Variants in CLASP1 observed in about 807,000 individuals in gnomAD.
The protein encoded by CLASP1 is CLIP-associating protein 1.
CLASP1 carries 38 observed loss-of-function variants against 192.3 expected under a neutral mutation model. The ratio of observed to expected loss-of-function variants is 0.20; its 90% CI spans 0.15 to 0.26. The LOEUF (loss-of-function observed/expected upper bound fraction) is 0.26. Among genes scored for constraint, CLASP1 ranks in the 10% least tolerant of loss-of-function variants. The pLI is 1.00. For missense variants in CLASP1, 1,433 were observed against 1,932.5 expected, an observed-to-expected ratio of 0.74 and a Z score of 4.85; for synonymous variants, 691 against 712.8, an observed-to-expected ratio of 0.97 and a Z score of 0.49.
At chr2:121,551,863 T>C (rs367653506) in intron 2 of CLASP1, among the ~76,000 whole-genome samples, 1 of 152,082 alleles carries the variant, frequency 6.6e-6, no homozygotes, top group Non-Finnish European at 1.5e-5. Context: ...AAAATTCATA[T>C]GGAACCAGAA....
chr2:121,410,193 A>G (rs1418078417), intron 24 of CLASP1, among the ~76,000 whole-genome samples: 2 of 152,214 alleles, frequency 1.3e-5, no homozygotes, highest in African/African-American at 4.8e-5. Flanking sequence ...AGAATATGCA[A>G]GAGACTGTGT....
chr2:121,379,996 C>T (rs143230687), intron 33 of CLASP1, among the ~76,000 whole-genome samples: 186 of 152,296 alleles, frequency 1.2e-3, no homozygotes, highest in African/African-American at 4.3e-3. Flanking sequence ...CTTTTAGACT[C>T]ACTAGCCTGG....
At chr2:121,490,952 A>C (rs1348941908) in intron 8 of CLASP1, among the ~76,000 whole-genome samples, 2 of 152,228 alleles carry the variant, frequency 1.3e-5, no homozygotes, top group African/African-American at 4.8e-5. Flanking sequence ...AAGCATGGAT[A>C]ATAATGACTT....
At chr2:121,632,535 A>T (rs920568593) in intron 1 of CLASP1, among the ~76,000 whole-genome samples, 6 of 145,454 alleles carry the variant, frequency 4.1e-5, no homozygotes, top group East Asian at 2.0e-4. Flanking sequence ...CAACTCATTT[A>T]AAAAAAAAAA....
At chr2:121,634,627 G>C (rs1218349600) in intron 1 of CLASP1, among the ~76,000 whole-genome samples, 1 of 152,142 alleles carries the variant, frequency 6.6e-6, no homozygotes, top group African/African-American at 2.4e-5. Context: ...TCCACTGCAT[G>C]TTCTGAAAAG....
chr2:121,639,304 A>G (rs1484135035), intron 1 of CLASP1, among the ~76,000 whole-genome samples: 1 of 152,052 alleles, frequency 6.6e-6, no homozygotes, highest in Non-Finnish European at 1.5e-5. Flanking sequence ...CAAAAACAAA[A>G]AAACACTGTG....
chr2:121,354,148 T>A (rs2064997132), intron 37 of CLASP1, among the ~76,000 whole-genome samples: 1 of 152,164 alleles, frequency 6.6e-6, no homozygotes, highest in Non-Finnish European at 1.5e-5. Flanking sequence ...GACTTGGATT[T>A]ACATTTTTCC....
chr2:121,441,127 T>C (rs2083265166), intron 19 of CLASP1, among the ~76,000 whole-genome samples: 1 of 152,202 alleles, frequency 6.6e-6, no homozygotes, highest in African/African-American at 2.4e-5. Flanking sequence ...GGTTTTCCTA[T>C]CTTCTTGTTA....
At chr2:121,530,517 T>G in intron 2 of CLASP1, 192 bp from the exon 3 acceptor site, 2 of 568,256 alleles carry the variant, frequency 3.5e-6, no homozygotes. Context: ...TGTACAGCTA[T>G]AATGGAAAAT....
chr2:121,637,367 G>A (rs1023958610), intron 1 of CLASP1, among the ~76,000 whole-genome samples: 7 of 151,822 alleles, frequency 4.6e-5, no homozygotes, highest in African/African-American at 1.7e-4. Context: ...CATTTATATT[G>A]GTCTTCAACA....
chr2:121,372,855 A>G (rs1451400683), intron 34 of CLASP1, among the ~76,000 whole-genome samples: 2 of 152,126 alleles, frequency 1.3e-5, no homozygotes, highest in African/African-American at 4.8e-5. Context: ...GAATCTCCCC[A>G]ACCACTCCTC....
intron 33 of CLASP1, among the ~76,000 whole-genome samples, chr2:121,379,256 A>G (rs572151521): frequency 6.6e-6 from 1 of 152,260 alleles, no homozygotes; most frequent in Admixed American, 6.5e-5. Context: ...TGACTTGAGC[A>G]TCAAACAAAA....
At chr2:121,437,890 C>G (rs2082575284) in intron 19 of CLASP1, among the ~76,000 whole-genome samples, 1 of 152,184 alleles carries the variant, frequency 6.6e-6, no homozygotes, top group Non-Finnish European at 1.5e-5. Context: ...TGTGTGGATT[C>G]ACTGCTTTTA....
At chr2:121,530,914 A>T (rs771577373) in intron 2 of CLASP1, 1 of 699,220 alleles carries the variant, frequency 1.4e-6, no homozygotes, top group African/African-American at 1.7e-5. Context: ...CTACTGTCCA[A>T]TGAGCGCATA....
intron 8 of CLASP1, among the ~76,000 whole-genome samples, chr2:121,475,209 G>C (rs2091451483): frequency 6.6e-6 from 1 of 152,156 alleles, no homozygotes; most frequent in African/African-American, 2.4e-5. Context: ...TTATTTTCTA[G>C]ATTAAGAGCT....
Position 121,462,497 on chromosome 2 carries a change from C to T in CLASP1, c.939+35G>A, listed in dbSNP as rs1292571187. On this transcript the variant is annotated intron_variant, in intron 10 of 39. Transcript: ENST00000263710. ...ATAAAACTTGAAGAGTAAGTTGACC[C>T]TTGTTTGTAATCATACTCAAATATC... 5.8e-6 allele frequency: 7 copies of T among 1,208,578 alleles called. No individual in the cohort carries two copies. In the East Asian group the frequency reaches 1.6e-4, roughly 28 times the overall value. 74.9% of individuals were successfully genotyped at this position (1,208,578 alleles called of 1,614,324 possible).
intron 8 of CLASP1, among the ~76,000 whole-genome samples, chr2:121,493,290 AAC>A (rs1018044790): frequency 4.6e-5 from 7 of 152,208 alleles, no homozygotes. Context: ...CTGGAAAAAA[AAC>A]AGACACACAG....
At chr2:121,365,189 G>A (rs1377905146) in exon 36 of CLASP1, 6 of 1,613,710 alleles carry the variant, frequency 3.7e-6, no homozygotes, top group Non-Finnish European at 5.1e-6. Context: ...ATCTTGAGCA[G>A]CTCCAGCAGG....
At chr2:121,524,519 C>T (rs1268302266) in intron 6 of CLASP1, among the ~76,000 whole-genome samples, 2 of 151,320 alleles carry the variant, frequency 1.3e-5, no homozygotes, top group African/African-American at 4.9e-5. Context: ...TGCAGTGGCA[C>T]GATCTTGGCT....
Sources: gnomAD v4.1 joint callset for allele counts (sites outside exome capture counted in the v4.1 genomes callset) on GRCh38, gnomAD v4.1.1 for gene constraint, MANE v1.5 for transcripts, NCBI Gene and HGNC (gene_info 2026-07-23, HGNC 2026-07-21) for gene names.